GARIN1B: variants seen among roughly 807,000 people sequenced by gnomAD.
GARIN1B encodes the protein Golgi-associated RAB2 interactor protein 1B.
At chr7:128,719,224 C>G in the GARIN1B span, 1 of 618,370 alleles carries the variant, frequency 1.6e-6, no homozygotes, top group Non-Finnish European at 2.6e-6. Context: ...TCATTTAGAA[C>G]AATAAAATCC....
chr7:128,721,845 C>T, the GARIN1B span, among the ~76,000 whole-genome samples: 1 of 152,128 alleles, frequency 6.6e-6, no homozygotes, highest in African/African-American at 2.4e-5. Context: ...GCTTTCTCTG[C>T]ATCTATTAAG....
chr7:128,724,247 G>A, the GARIN1B span, among the ~76,000 whole-genome samples: 1 of 152,188 alleles, frequency 6.6e-6, no homozygotes, highest in African/African-American at 2.4e-5. Flanking sequence ...CTGACCTAAA[G>A]TGATCCACCT....
chr7:128,731,260 T>C, the GARIN1B span: 4 of 821,400 alleles, frequency 4.9e-6, no homozygotes, highest in South Asian at 5.4e-5. Flanking sequence ...CAGCAGAGCC[T>C]TTCCAGCTGT....
the GARIN1B span, among the ~76,000 whole-genome samples, chr7:128,712,122 A>C: frequency 6.6e-6 from 1 of 152,216 alleles, no homozygotes; most frequent in African/African-American, 2.4e-5. Context: ...TGCAATAATA[A>C]AGTGTTTTAA....
At chr7:128,723,292 C>T in the GARIN1B span, 30 of 1,612,646 alleles carry the variant, frequency 1.9e-5, no homozygotes, top group East Asian at 1.3e-4. Flanking sequence ...AGATTTTTGC[C>T]GACTTACACC....
chr7:128,724,852 T>C, the GARIN1B span: 1 of 1,289,402 alleles, frequency 7.8e-7, no homozygotes, highest in Non-Finnish European at 1.0e-6. Context: ...CCAGTACAGC[T>C]TGGAGGAGGC....
At chr7:128,716,951 C>T in the GARIN1B span, 1 of 1,613,892 alleles carries the variant, frequency 6.2e-7, no homozygotes, top group Non-Finnish European at 8.5e-7. Context: ...GGGGCAGAAC[C>T]AGACATGGAA....
the GARIN1B span, chr7:128,715,415 G>A: frequency 1.9e-6 from 3 of 1,607,808 alleles, no homozygotes; most frequent in Admixed American, 3.3e-5. Flanking sequence ...GGACAAATGT[G>A]CAGCAGGCCC....
the GARIN1B span, chr7:128,715,736 C>T: frequency 6.6e-7 from 1 of 1,507,198 alleles, no homozygotes; most frequent in Non-Finnish European, 9.2e-7. Context: ...TCTTCGAAAC[C>T]TGTTCCCAAG....
the GARIN1B span, chr7:128,730,161 T>C: frequency 7.1e-7 from 1 of 1,416,886 alleles, no homozygotes; most frequent in Non-Finnish European, 9.6e-7. Context: ...TGAGGGTGAT[T>C]CCAGAAAGTT....
chr7:128,711,417 A>T, the GARIN1B span, among the ~76,000 whole-genome samples: 1 of 152,066 alleles, frequency 6.6e-6, no homozygotes, highest in Non-Finnish European at 1.5e-5. Flanking sequence ...TGTCCTAAAA[A>T]GGGGAATATA....
At chr7:128,717,351 G>C in the GARIN1B span, among the ~76,000 whole-genome samples, 13 of 152,100 alleles carry the variant, frequency 8.5e-5, no homozygotes, top group Non-Finnish European at 1.9e-4. Context: ...ATTATTTCTA[G>C]TTCTTGGTGT....
the GARIN1B span, chr7:128,715,124 T>A: frequency 1.6e-5 from 5 of 321,778 alleles, no homozygotes; most frequent in Non-Finnish European, 2.2e-5. Flanking sequence ...AGTGGAAGGA[T>A]CTTCCTGACA....
chr7:128,727,992 C>T, the GARIN1B span, among the ~76,000 whole-genome samples: 1 of 152,194 alleles, frequency 6.6e-6, no homozygotes, highest in African/African-American at 2.4e-5. Context: ...ACCCATATAC[C>T]ATGGCACTAA....
At chr7:128,721,669 A>G in the GARIN1B span, among the ~76,000 whole-genome samples, 1 of 152,312 alleles carries the variant, frequency 6.6e-6, no homozygotes, top group Admixed American at 6.5e-5. Flanking sequence ...CTTGTTCCTG[A>G]TCTTAGGAAA....
the GARIN1B span, chr7:128,724,676 T>TG: frequency 9.5e-6 from 12 of 1,266,668 alleles, no homozygotes; most frequent in African/African-American, 1.5e-5. Flanking sequence ...CTATTACTTA[T>TG]GGTTTAATAG....
the GARIN1B span, among the ~76,000 whole-genome samples, chr7:128,729,335 T>C: frequency 6.6e-6 from 1 of 152,216 alleles, no homozygotes; most frequent in Non-Finnish European, 1.5e-5. Flanking sequence ...ATTATTGCAG[T>C]GCTTCCCAAA....
chr7:128,713,199 C>A, the GARIN1B span, among the ~76,000 whole-genome samples: 1,288 of 151,938 alleles, frequency 8.5e-3, 24 homozygotes, highest in African/African-American at 0.029. Context: ...CCCAGTTACT[C>A]GGGAGGCTGA....
chr7:128,724,866 C>A, the GARIN1B span: 2 of 1,287,738 alleles, frequency 1.6e-6, no homozygotes, highest in East Asian at 1.1e-4. Flanking sequence ...AGGAGGCAAG[C>A]GCTTATAGCA....
Sources: gnomAD v4.1 joint callset for allele counts (sites outside exome capture counted in the v4.1 genomes callset) on GRCh38, gnomAD v4.1.1 for gene constraint, MANE v1.5 for transcripts, NCBI Gene and HGNC (gene_info 2026-07-23, HGNC 2026-07-21) for gene names.